Variants in PRH1 observed in about 807,000 individuals in gnomAD.
The protein encoded by PRH1 is salivary acidic proline-rich phosphoprotein 1/2.
In PRH1, 7 loss-of-function variants were observed where a neutral mutation model predicts 7.9. The observed-to-expected ratio is 0.89, with a 90% CI of 0.50 to 1.67. PRH1 has a LOEUF of 1.67. Among genes scored for constraint, PRH1 ranks in the 40% most tolerant of loss-of-function variants. The probability of loss-of-function intolerance (pLI) is 0.00; values close to 1 mark genes in which losing one functional copy is unlikely to be tolerated. For synonymous variants in PRH1, 45 were observed against 80.8 expected (o/e 0.56, Z 2.38); for missense variants, 109 against 223.6 (o/e 0.49, Z 3.27).
At chr12:10,984,553 C>G (rs1439562426) in intron 1 of PRH1, among the ~76,000 whole-genome samples, 2 of 151,984 alleles carry the variant, frequency 1.3e-5, no homozygotes, top group Non-Finnish European at 2.9e-5. Context: ...GTCTTTTAGG[C>G]CCTGGGAGTC....
intron 1 of PRH1, among the ~76,000 whole-genome samples, chr12:10,987,579 C>T (rs1431237981): frequency 6.6e-6 from 1 of 151,590 alleles, no homozygotes; most frequent in African/African-American, 2.4e-5. Context: ...TGTGACACCC[C>T]TAAGAGATGG....
At chr12:10,884,288 A>G, upstream of PRH1, 2 of 1,602,934 alleles carry the variant, frequency 1.2e-6, no homozygotes, top group Non-Finnish European at 1.7e-6. Flanking sequence ...TTATAAAGAC[A>G]AGCAGGACAA....
At chr12:11,022,031 T>A in intron 1 of PRH1, 1 of 1,613,764 alleles carries the variant, frequency 6.2e-7, no homozygotes, top group East Asian at 2.2e-5. Context: ...TTTGCTAGAG[T>A]AGTTACAGTC....
At chr12:11,004,931 A>C (rs1268802092) in intron 1 of PRH1, among the ~76,000 whole-genome samples, 2 of 152,128 alleles carry the variant, frequency 1.3e-5, no homozygotes, top group African/African-American at 2.4e-5. Context: ...CACAAATTCT[A>C]CCATTACCAG....
At chr12:10,900,264 G>T (rs1313093093) in intron 2 of PRH1, among the ~76,000 whole-genome samples, 1 of 152,164 alleles carries the variant, frequency 6.6e-6, no homozygotes, top group Non-Finnish European at 1.5e-5. Flanking sequence ...AGAGTACCTT[G>T]TTTCTCCAAA....
At chr12:10,920,308 T>C (rs4360779) in intron 2 of PRH1, among the ~76,000 whole-genome samples, 77,835 of 150,594 alleles carry the variant, frequency 0.52, 22,110 homozygotes, top group East Asian at 0.72. Flanking sequence ...GTTTTGTCAA[T>C]TTGAAAATAA....
At chr12:11,140,773 A>G (rs1946681124) in intron 1 of PRH1, among the ~76,000 whole-genome samples, 1 of 152,108 alleles carries the variant, frequency 6.6e-6, no homozygotes, top group Non-Finnish European at 1.5e-5. Context: ...TGTTTTCAGC[A>G]ACTTCAGTTG....
chr12:11,029,109 G>A (rs772907058), intron 1 of PRH1, among the ~76,000 whole-genome samples: 42 of 152,260 alleles, frequency 2.8e-4, no homozygotes, highest in Non-Finnish European at 5.6e-4. Flanking sequence ...TACTGAGGAA[G>A]ATATATGATT....
At chr12:11,160,485 T>TTTG (rs1565716655) in intron 1 of PRH1, among the ~76,000 whole-genome samples, 13 of 64,602 alleles carry the variant, frequency 2.0e-4, no homozygotes, top group South Asian at 3.4e-4. Flanking sequence ...TTGTTTGTTT[T>TTTG]TTTGAGACAG....
chr12:11,163,827 TAA>T (rs71450690), intron 1 of PRH1, among the ~76,000 whole-genome samples: 1 of 152,160 alleles, frequency 6.6e-6, no homozygotes, highest in Non-Finnish European at 1.5e-5. Context: ...CCCAAGTTTC[TAA>T]AATCTCACAT....
chr12:10,984,210 T>A lies in PRH1; in HGVS notation c.-125-10489A>T, dbSNP rs148194820. ...GATACCAAAATCTTTTATATTGATG[T>A]GCTTTTTAAAATGTATCACAATAGG... On this transcript the variant is annotated intron_variant, in intron 1 of 3. Transcript: ENST00000539853. Among the ~76,000 whole-genome samples the A allele has an allele frequency of 4.3e-3, 657 of 152,202 alleles. 5 individuals are homozygous for A. The highest frequency in any genetic ancestry group is 0.015 in the African/African-American group (635 of 41,544).
intron 2 of PRH1, among the ~76,000 whole-genome samples, chr12:10,889,497 T>C (rs1170814369): frequency 6.6e-6 from 1 of 152,192 alleles, no homozygotes; most frequent in East Asian, 1.9e-4. Context: ...ATGGATTTCA[T>C]TGGTTGTATT....
At chr12:11,062,386 C>T (rs1466380812) in intron 1 of PRH1, 1 of 1,368,736 alleles carries the variant, frequency 7.3e-7, no homozygotes, top group East Asian at 2.5e-5. Flanking sequence ...TCTATATGCA[C>T]CTGATTTGTG....
At chr12:11,094,319 A>C (rs1412934127) in intron 1 of PRH1, among the ~76,000 whole-genome samples, 2 of 109,684 alleles carry the variant, frequency 1.8e-5, no homozygotes, top group Admixed American at 9.3e-5. Flanking sequence ...AAAAAAAAAA[A>C]AAAAAACCCG....
intron 1 of PRH1, among the ~76,000 whole-genome samples, chr12:11,083,852 C>G (rs1944581958): frequency 6.9e-6 from 1 of 145,920 alleles, no homozygotes; most frequent in South Asian, 2.1e-4. Context: ...CCTAATAATT[C>G]CTCTCATATC....
In PRH1 at chr12:11,140,556, G is replaced by A. The variant is rs147823680; in HGVS notation, n.40-19376C>T. On this transcript the variant is annotated intron_variant and non_coding_transcript_variant, in intron 1 of 1. Transcript: ENST00000541175. ...GAGGAAATCATCTCAATATGCTAATGGATGAAATCAATGCTGTCTTTATGG... is the reference window on the plus strand; with the variant it reads ...GAGGAAATCATCTCAATATGCTAATAGATGAAATCAATGCTGTCTTTATGG... Among the ~76,000 whole-genome samples the A allele has an allele frequency of 8.2e-4, 125 of 152,186 alleles. 3 individuals carry two copies. In the East Asian group the frequency reaches 0.023, roughly 27 times the overall value.
At chr12:11,022,110 C>A (rs1317438063) in intron 1 of PRH1, 2 of 1,613,790 alleles carry the variant, frequency 1.2e-6, no homozygotes, top group East Asian at 4.5e-5. Flanking sequence ...ATTCTTTTGT[C>A]CACACTCTCT....
At chr12:10,948,527 A>T (rs571894942) in intron 2 of PRH1, among the ~76,000 whole-genome samples, 34 of 152,274 alleles carry the variant, frequency 2.2e-4, no homozygotes, top group African/African-American at 7.0e-4. Flanking sequence ...CAGCTCCTGT[A>T]TCACATTATT....
intron 1 of PRH1, chr12:11,005,974 T>C (rs1940811123): frequency 6.6e-6 from 1 of 152,114 alleles, no homozygotes; most frequent in Non-Finnish European, 1.5e-5. Flanking sequence ...TTCTGTTTAA[T>C]TTATTTTTGA....
Sources: gnomAD v4.1 joint callset for allele counts (sites outside exome capture counted in the v4.1 genomes callset) on GRCh38, gnomAD v4.1.1 for gene constraint, MANE v1.5 for transcripts, NCBI Gene and HGNC (gene_info 2026-07-23, HGNC 2026-07-21) for gene names.